DOCK3: variants seen among roughly 807,000 people sequenced by gnomAD.
The protein encoded by DOCK3 is dedicator of cytokinesis protein 3.
Under a neutral mutation model 265.6 loss-of-function variants are expected in DOCK3, and 60 were observed. The observed-to-expected ratio is 0.23, with a 90% CI of 0.18 to 0.28. DOCK3 has a LOEUF of 0.28. Ranked by LOEUF, DOCK3 falls within the 10% of genes least tolerant of loss-of-function variation. DOCK3 has a pLI of 1.00. For missense variants in DOCK3, 1,981 were observed against 2,594.3 expected (o/e 0.76, Z 5.14); for synonymous variants, 881 against 938.0 (o/e 0.94, Z 1.11).
At chr3:51,261,757 G>A (rs965388219) in intron 23 of DOCK3, among the ~76,000 whole-genome samples, 1 of 152,170 alleles carries the variant, frequency 6.6e-6, no homozygotes, top group South Asian at 2.1e-4. Flanking sequence ...AGAGGCTTGA[G>A]TAGGCAGTTT....
intron 21 of DOCK3, among the ~76,000 whole-genome samples, chr3:51,238,573 C>T (rs2078452263): frequency 6.6e-6 from 1 of 151,876 alleles, no homozygotes; most frequent in African/African-American, 2.4e-5. Flanking sequence ...AAGCCTAGTA[C>T]CCATTAGTTA....
intron 5 of DOCK3, among the ~76,000 whole-genome samples, chr3:51,006,154 C>G (rs1176767010): frequency 1.3e-5 from 2 of 152,104 alleles, no homozygotes; most frequent in Non-Finnish European, 2.9e-5. Context: ...TTCTGTCTCC[C>G]TCATGTCTCT....
intron 2 of DOCK3, among the ~76,000 whole-genome samples, chr3:50,796,926 G>T (rs1477908351): frequency 1.3e-5 from 2 of 151,972 alleles, no homozygotes; most frequent in Non-Finnish European, 2.9e-5. Flanking sequence ...GTTGTATCCT[G>T]ACTTTGCTCT....
chr3:50,696,470 G>A (rs867657182), intron 1 of DOCK3, among the ~76,000 whole-genome samples: 2 of 152,346 alleles, frequency 1.3e-5, no homozygotes, highest in East Asian at 3.9e-4. Context: ...TAGGAGTTCA[G>A]AGCCTGGGGG....
chr3:51,376,885 C>A (rs143003686), intron 51 of DOCK3, among the ~76,000 whole-genome samples: 1 of 152,366 alleles, frequency 6.6e-6, no homozygotes, highest in African/African-American at 2.4e-5. Context: ...GGCCTGGAGA[C>A]TGGCTGAAGA....
chr3:50,917,407 C>T (rs561886423), intron 4 of DOCK3, among the ~76,000 whole-genome samples: 5 of 151,928 alleles, frequency 3.3e-5, no homozygotes, highest in African/African-American at 7.2e-5. Flanking sequence ...ATCCAGGTGT[C>T]CTATTTCTTC....
intron 49 of DOCK3, among the ~76,000 whole-genome samples, chr3:51,370,449 T>C (rs1351193049): frequency 6.6e-6 from 1 of 152,200 alleles, no homozygotes; most frequent in Non-Finnish European, 1.5e-5. Context: ...CTCTAGGCTG[T>C]TCCAGATACT....
intron 10 of DOCK3, among the ~76,000 whole-genome samples, chr3:51,146,997 C>T (rs1479132508): frequency 1.3e-5 from 2 of 151,964 alleles, no homozygotes; most frequent in African/African-American, 4.8e-5. Flanking sequence ...TCTGTAGTCA[C>T]AGCTACTTGG....
chr3:51,297,939 T>C (rs927480214), intron 27 of DOCK3, among the ~76,000 whole-genome samples: 1 of 151,982 alleles, frequency 6.6e-6, no homozygotes, highest in Admixed American at 6.6e-5. Flanking sequence ...TGAACTATGA[T>C]TGTGCCACTG....
intron 27 of DOCK3, among the ~76,000 whole-genome samples, chr3:51,293,078 C>T (rs2081878883): frequency 6.6e-6 from 1 of 152,074 alleles, no homozygotes; most frequent in East Asian, 1.9e-4. Context: ...TCAATGCAAT[C>T]TCCATCAAAA....
intron 22 of DOCK3, among the ~76,000 whole-genome samples, chr3:51,258,762 C>G (rs2079689213): frequency 6.6e-6 from 1 of 152,104 alleles, no homozygotes; most frequent in Non-Finnish European, 1.5e-5. Flanking sequence ...TCTGCTGAGC[C>G]CAGCAAGCCA....
At chr3:51,266,980 A>G (rs980441393) in intron 23 of DOCK3, among the ~76,000 whole-genome samples, 4 of 152,226 alleles carry the variant, frequency 2.6e-5, no homozygotes, top group Non-Finnish European at 5.9e-5. Flanking sequence ...CAAATTTACA[A>G]GAAAAAACCA....
At chr3:50,880,331 G>A (rs561343719) in intron 3 of DOCK3, among the ~76,000 whole-genome samples, 3 of 152,172 alleles carry the variant, frequency 2.0e-5, no homozygotes, top group Admixed American at 1.3e-4. Context: ...AATCAATGAA[G>A]CCAGGAGCTG....
rs945669623 is a variant in DOCK3, at chr3:51,015,123, T to C, written c.316-49325T>C. ...TTCCTTCCACTTTGGATGCCATTTC[T>C]TTATCTCTGGTCTAATTGCTCCAGC... On this transcript the variant is annotated intron_variant, in intron 5 of 52. Coordinates refer to ENST00000266037, the MANE Select transcript of DOCK3 (RefSeq NM_004947.5). Among the ~76,000 whole-genome samples the C allele has an allele frequency of 2.6e-5, 4 of 152,092 alleles. 1 individual carries two copies. The highest frequency in any genetic ancestry group is 9.7e-5 in the African/African-American group (4 of 41,420).
intron 9 of DOCK3, among the ~76,000 whole-genome samples, chr3:51,127,634 C>T (rs1326455865): frequency 1.3e-5 from 2 of 152,172 alleles, no homozygotes; most frequent in Admixed American, 6.5e-5. Context: ...GTGTTTTTAA[C>T]AAAAGAAGGA....
chr3:51,217,119 A>G (rs1302934813), intron 14 of DOCK3, among the ~76,000 whole-genome samples: 1 of 150,992 alleles, frequency 6.6e-6, no homozygotes, highest in Non-Finnish European at 1.5e-5. Context: ...ACTATCCAGC[A>G]TTTGGCAGAA....
At chr3:50,746,325 T>A (rs2039440230) in intron 1 of DOCK3, among the ~76,000 whole-genome samples, 1 of 152,134 alleles carries the variant, frequency 6.6e-6, no homozygotes, top group Non-Finnish European at 1.5e-5. Context: ...CAGGCTGGTC[T>A]CGAACTCCTG....
At chr3:50,802,314 TTTTA>T (rs1224212869) in intron 2 of DOCK3, among the ~76,000 whole-genome samples, 1 of 152,112 alleles carries the variant, frequency 6.6e-6, no homozygotes. Flanking sequence ...ATTGATAAGG[TTTTA>T]TTTGTTTTTC....
intron 7 of DOCK3, 23 bp downstream of exon 7, chr3:51,075,463 G>C (rs1167892168): frequency 6.5e-7 from 1 of 1,531,202 alleles, no homozygotes; most frequent in Non-Finnish European, 8.9e-7. Flanking sequence ...ACATGAGGTA[G>C]CTTGTTCCTG....
Sources: allele counts gnomAD v4.1 joint callset (sites outside exome capture counted in the v4.1 genomes callset), GRCh38; gene constraint gnomAD v4.1.1; transcripts MANE v1.5; gene names NCBI Gene and HGNC (gene_info 2026-07-23, HGNC 2026-07-21).